Variants in AFF2 observed in about 807,000 individuals in gnomAD.
AFF2 encodes the protein AF4/FMR2 family member 2.
Under a neutral mutation model 76.9 loss-of-function variants are expected in AFF2, and 14 were observed. That is an observed-to-expected ratio of 0.18 (90% CI 0.12 to 0.28). The LOEUF (loss-of-function observed/expected upper bound fraction) is 0.28. AFF2 is among the 10% of genes least tolerant of loss of function. The pLI is 1.00. For synonymous variants in AFF2, 398 were observed against 366.7 expected, an observed-to-expected ratio of 1.09 and a Z score of -0.98; for missense variants, 868 against 1,001.1, an observed-to-expected ratio of 0.87 and a Z score of 1.79.
At chrX:148,778,678 G>A (rs2069700699) in intron 3 of AFF2, among the ~76,000 whole-genome samples, 1 of 111,310 alleles carries the variant, frequency 9.0e-6, no homozygotes, top group African/African-American at 3.3e-5. Context: ...TTTTATTTCA[G>A]TGGGATCAGT....
intron 3 of AFF2, among the ~76,000 whole-genome samples, chrX:148,722,165 G>A (rs901721366): frequency 9.0e-6 from 1 of 111,227 alleles, no homozygotes; most frequent in Non-Finnish European, 1.9e-5. Context: ...GGACTGGTCA[G>A]AAGGGCAGAG....
At chrX:148,529,674 T>C (rs1164133815) in intron 1 of AFF2, among the ~76,000 whole-genome samples, 1 of 111,920 alleles carries the variant, frequency 8.9e-6, no homozygotes, top group Non-Finnish European at 1.9e-5. Flanking sequence ...TAAATTATTC[T>C]GAGGGTAGGA....
chrX:148,885,877 A>T lies in AFF2; in HGVS notation c.1263-12A>T. ...GCCTTCTAACTCAAACACCACTCTG[A>T]TCTCTTTGTAGGATGCTTGAGGATG... On this transcript the variant is annotated splice_polypyrimidine_tract_variant and intron_variant, in intron 7 of 20. Coordinates refer to ENST00000370460, the MANE Select transcript of AFF2 (RefSeq NM_002025.4). 1 of 1,197,915 alleles carries T rather than the reference A, an allele frequency of 8.3e-7. No homozygotes were observed. Among genetic ancestry groups the T allele is most frequent in the Non-Finnish European group, 1.1e-6 (1 of 883,433 alleles).
chrX:148,951,717 A>T (rs2124348737), intron 9 of AFF2, among the ~76,000 whole-genome samples: 1 of 111,565 alleles, frequency 9.0e-6, no homozygotes, highest in South Asian at 3.8e-4. Flanking sequence ...ATTAGATTTA[A>T]AGAGAACTTT....
At chrX:148,839,566 C>T (rs1346825751) in intron 5 of AFF2, among the ~76,000 whole-genome samples, 6 of 111,561 alleles carry the variant, frequency 5.4e-5, no homozygotes, top group African/African-American at 2.0e-4. Flanking sequence ...GTGTTCCTGG[C>T]ACCAGCGGTC....
At chrX:148,944,719 T>G (rs183453571) in intron 9 of AFF2, among the ~76,000 whole-genome samples, 20 of 110,497 alleles carry the variant, frequency 1.8e-4, no homozygotes, top group Middle Eastern at 4.7e-3. Flanking sequence ...TTAGCCAACG[T>G]TGGCCAGTCT....
intron 1 of AFF2, among the ~76,000 whole-genome samples, chrX:148,594,619 G>T (rs372737325): frequency 7.1e-5 from 8 of 111,890 alleles, no homozygotes; most frequent in African/African-American, 2.6e-4. Context: ...TGATTTAGCA[G>T]ATCTGGAAAT....
chrX:148,819,107 A>G (rs782224129), intron 4 of AFF2, among the ~76,000 whole-genome samples: 1 of 111,109 alleles, frequency 9.0e-6, no homozygotes, highest in South Asian at 3.8e-4. Context: ...AGCAAGTACT[A>G]TTATCATCCC....
intron 1 of AFF2, among the ~76,000 whole-genome samples, chrX:148,641,729 TG>T (rs782545673): frequency 1.3e-4 from 14 of 111,487 alleles, no homozygotes; most frequent in Admixed American, 4.8e-4. Flanking sequence ...ATGAAGTTTC[TG>T]GTAGTTTGTT....
intron 9 of AFF2, among the ~76,000 whole-genome samples, chrX:148,941,833 A>G (rs925948770): frequency 2.3e-3 from 171 of 75,299 alleles, no homozygotes; most frequent in Non-Finnish European, 4.2e-3. Flanking sequence ...AGGCTGGCCT[A>G]AGTACTGGCT....
intron 9 of AFF2, among the ~76,000 whole-genome samples, chrX:148,946,168 C>T (rs782628018): frequency 8.9e-6 from 1 of 112,381 alleles, no homozygotes; most frequent in Non-Finnish European, 1.9e-5. Flanking sequence ...CGGTCATTTA[C>T]AGTTATCATA....
intron 2 of AFF2, among the ~76,000 whole-genome samples, chrX:148,661,544 C>T (rs1398112117): frequency 8.9e-6 from 1 of 111,937 alleles, no homozygotes; most frequent in Non-Finnish European, 1.9e-5. Context: ...GATTGGTAAG[C>T]AGAAGTTGTT....
rs782077826 is a variant in AFF2 at position 148,541,950 on chromosome X, C to T, written c.47+40806C>T. Among the ~76,000 whole-genome samples the T allele has an allele frequency of 2.0e-4, 21 of 107,047 alleles. No individual in the cohort carries two copies. The East Asian group carries it at 5.6e-3, about 29-fold the overall frequency. 93.0% of individuals were successfully genotyped at this position (107,047 alleles called of 115,157 possible). On this transcript the variant is annotated intron_variant, in intron 1 of 20. Coordinates refer to ENST00000370460, the MANE Select transcript of AFF2 (RefSeq NM_002025.4). ...GAAGATCAGCCAGCCACTAGATAGG[C>T]AGAAGTGGGTTTCACCCTTAAATTC...
chrX:148,700,649 A>G (rs1557261735), intron 3 of AFF2, among the ~76,000 whole-genome samples: 1 of 110,894 alleles, frequency 9.0e-6, no homozygotes, highest in African/African-American at 3.3e-5. Flanking sequence ...GTGTTTTGGA[A>G]TATAACTACA....
intron 2 of AFF2, among the ~76,000 whole-genome samples, chrX:148,654,947 A>T (rs896717855): frequency 1.8e-5 from 2 of 111,413 alleles, no homozygotes; most frequent in Non-Finnish European, 3.8e-5. Context: ...ACTATCCTCA[A>T]CATTATAATG....
chrX:148,616,026 T>G (rs1169687964), intron 1 of AFF2, among the ~76,000 whole-genome samples: 1 of 111,952 alleles, frequency 8.9e-6, no homozygotes, highest in African/African-American at 3.2e-5. Flanking sequence ...AGAAAATCAG[T>G]CTAAGAATCT....
intron 9 of AFF2, among the ~76,000 whole-genome samples, chrX:148,914,984 C>T (rs930330721): frequency 1.8e-5 from 2 of 112,133 alleles, no homozygotes; most frequent in African/African-American, 3.2e-5. Flanking sequence ...CTCTGTCGAC[C>T]GCAGAATGCG....
chrX:148,972,835 A>G (rs2124400958), intron 15 of AFF2, among the ~76,000 whole-genome samples: 1 of 13,315 alleles, frequency 7.5e-5, no homozygotes, highest in East Asian at 1.9e-3. Context: ...TGTTTTGGAC[A>G]TGAAGTCCTT....
At chrX:148,719,742 C>T (rs782628958) in intron 3 of AFF2, among the ~76,000 whole-genome samples, 1 of 111,873 alleles carries the variant, frequency 8.9e-6, no homozygotes, top group South Asian at 3.7e-4. Context: ...AGGCCAACAA[C>T]ATGGGGCTGA....
Sources: gnomAD v4.1 joint callset for allele counts (sites outside exome capture counted in the v4.1 genomes callset) on GRCh38, gnomAD v4.1.1 for gene constraint, MANE v1.5 for transcripts, NCBI Gene and HGNC (gene_info 2026-07-23, HGNC 2026-07-21) for gene names.